The following ME3 variants were observed in gnomAD, a reference collection of about 807,000 sequenced individuals.
ME3 encodes the protein malic enzyme 3.
Under a neutral mutation model 68.9 loss-of-function variants are expected in ME3, and 48 were observed. The observed-to-expected ratio is 0.70, with a 90% CI of 0.55 to 0.89. The LOEUF is 0.89. Among genes scored for constraint, ME3 ranks in the 40% least tolerant of loss-of-function variants. The probability of loss-of-function intolerance (pLI) is 0.00; values close to 1 mark genes in which losing one functional copy is unlikely to be tolerated. For missense variants in ME3, 675 were observed against 797.4 expected (o/e 0.85, Z 1.85); for synonymous variants, 320 against 318.8 (o/e 1.00, Z -0.04).
At chr11:86,486,924 G>A (rs1016144798) in intron 7 of ME3, among the ~76,000 whole-genome samples, 8 of 152,232 alleles carry the variant, frequency 5.3e-5, no homozygotes, top group African/African-American at 1.4e-4. Flanking sequence ...TTCTCACATA[G>A]AGGTGGAAAA....
intron 2 of ME3, among the ~76,000 whole-genome samples, chr11:86,619,246 G>T (rs1012914864): frequency 6.6e-5 from 10 of 152,192 alleles, no homozygotes; most frequent in African/African-American, 2.4e-4. Context: ...TTATAGCAGT[G>T]CAAGAACAGC....
chr11:86,497,907 C>G, intron 6 of ME3, 56 bp downstream of exon 6: 1 of 1,528,952 alleles, frequency 6.5e-7, no homozygotes, highest in Non-Finnish European at 8.8e-7. Flanking sequence ...TGCTCCTCAC[C>G]CTGTCCCAGT....
intron 5 of ME3, among the ~76,000 whole-genome samples, chr11:86,501,663 T>G (rs1015916648): frequency 6.6e-6 from 1 of 152,212 alleles, no homozygotes. Context: ...CTTACTCCTT[T>G]TGAGCCTTTT....
intron 2 of ME3, among the ~76,000 whole-genome samples, chr11:86,609,753 A>G (rs1942426028): frequency 6.6e-6 from 1 of 152,250 alleles, no homozygotes; most frequent in Non-Finnish European, 1.5e-5. Flanking sequence ...AATTGGGAAC[A>G]ACTTAAATGT....
rs1274527004 is a variant in ME3 at position 86,671,746 on chromosome 11, C to T, written c.183+16G>A. 2.5e-6 allele frequency: 4 copies of T among 1,599,052 alleles called. 1 individual carries two copies. In the South Asian group the frequency reaches 3.4e-5, roughly 13 times the overall value. On this transcript the variant is annotated intron_variant, in intron 2 of 14. Coordinates refer to ENST00000543262, the Ensembl canonical transcript of ME3. ...CGGGATCGCAACGCGGGCCGTCCTG[C>T]CCTCTGGCCCATTACCTTGTTGAGA...
At chr11:86,449,029 A>G (rs12271571) in intron 10 of ME3, among the ~76,000 whole-genome samples, 45,691 of 152,060 alleles carry the variant, frequency 0.3, 7,140 homozygotes, top group Admixed American at 0.37. Context: ...GGTGGGTGGG[A>G]AGAGGAATCT....
chr11:86,571,278 A>C (rs1020526741), intron 2 of ME3, among the ~76,000 whole-genome samples: 1 of 152,216 alleles, frequency 6.6e-6, no homozygotes, highest in Non-Finnish European at 1.5e-5. Context: ...TTTCTTCAAC[A>C]AAAAAGTATT....
At chr11:86,489,586 A>T (rs1327888410) in intron 6 of ME3, among the ~76,000 whole-genome samples, 2 of 151,584 alleles carry the variant, frequency 1.3e-5, no homozygotes, top group Admixed American at 1.3e-4. Context: ...CAGCCGCCAC[A>T]CTCTCCCTGG....
intron 8 of ME3, chr11:86,464,113 C>G: frequency 2.2e-6 from 1 of 452,276 alleles, no homozygotes; most frequent in Non-Finnish European, 4.4e-6. Flanking sequence ...CCTCTTTGGG[C>G]CTCTGGAGAA....
chr11:86,462,688 A>C (rs1950281275), intron 8 of ME3: 1 of 872,006 alleles, frequency 1.1e-6, no homozygotes, highest in Non-Finnish European at 1.6e-6. Context: ...CTGGGGAACA[A>C]GAATGGATAA....
At chr11:86,453,613 C>G (rs1236868378) in intron 8 of ME3, among the ~76,000 whole-genome samples, 2 of 152,150 alleles carry the variant, frequency 1.3e-5, no homozygotes, top group African/African-American at 2.4e-5. Flanking sequence ...TTTAGATAAA[C>G]AACAAGATTT....
intron 4 of ME3, among the ~76,000 whole-genome samples, chr11:86,529,561 G>T (rs1955041329): frequency 6.6e-6 from 1 of 152,068 alleles, no homozygotes; most frequent in South Asian, 2.1e-4. Flanking sequence ...CAAAAAAAGA[G>T]AATTTTAGAC....
chr11:86,457,365 C>T (rs1011308206), intron 8 of ME3: 2 of 303,538 alleles, frequency 6.6e-6, no homozygotes, highest in Non-Finnish European at 1.0e-5. Flanking sequence ...GACTGACCCA[C>T]CTCTTGTCAG....
chr11:86,520,903 T>G (rs1954223625), intron 4 of ME3, among the ~76,000 whole-genome samples: 2 of 152,188 alleles, frequency 1.3e-5, no homozygotes, highest in African/African-American at 4.8e-5. Flanking sequence ...TGTTCCTCAG[T>G]CGGTAAGATG....
At chr11:86,608,795 G>T (rs1387557448) in intron 2 of ME3, among the ~76,000 whole-genome samples, 1 of 152,142 alleles carries the variant, frequency 6.6e-6, no homozygotes, top group South Asian at 2.1e-4. Context: ...GTAGTAACTG[G>T]TATATCAGAT....
intron 2 of ME3, among the ~76,000 whole-genome samples, chr11:86,638,611 A>G (rs1565251690): frequency 6.6e-6 from 1 of 152,350 alleles, no homozygotes; most frequent in East Asian, 1.9e-4. Context: ...TTGCTAGTAA[A>G]GGGTAAGGGA....
chr11:86,462,938 T>G lies in ME3; in HGVS notation c.919+2153A>C, dbSNP rs543416387. On this transcript the variant is annotated intron_variant, in intron 8 of 14. Transcript: ENST00000543262. ...ATGATGGGAAAGGGTGAGCAGGGCT[T>G]TCAAACACAGAAAGAAATGGCAGGT... is the stretch of plus-strand genomic sequence containing the variant. Among the ~76,000 whole-genome samples the G allele has an allele frequency of 3.9e-5, 6 of 152,142 alleles. No individual in the cohort carries two copies. The East Asian group carries it at 1.2e-3, about 29-fold the overall frequency.
rs550255345 is a variant in ME3 at position 86,459,782 on chromosome 11, A to G, written c.919+5309T>C. Among the ~76,000 whole-genome samples, 492 of 152,320 alleles carry G rather than the reference A, an allele frequency of 3.2e-3. 11 individuals carry two copies. Among genetic ancestry groups the G allele is most frequent in the Non-Finnish European group, 7.6e-4 (52 of 68,020 alleles). On this transcript the variant is annotated intron_variant, in intron 8 of 14. Coordinates refer to ENST00000543262, the Ensembl canonical transcript of ME3. ...TCTGATTGTTAAGCATTGGACTCAC[A>G]GGGGGTGCTAATAGCCTGACATAAC... is the stretch of plus-strand genomic sequence containing the variant.
At chr11:86,555,551 C>T (rs563370366) in intron 4 of ME3, among the ~76,000 whole-genome samples, 30 of 152,286 alleles carry the variant, frequency 2.0e-4, no homozygotes, top group African/African-American at 7.0e-4. Flanking sequence ...TCTGCTGCAA[C>T]AGCCAGACAC....
Sources: gnomAD v4.1 joint callset for allele counts (sites outside exome capture counted in the v4.1 genomes callset) on GRCh38, gnomAD v4.1.1 for gene constraint, MANE v1.5 for transcripts, NCBI Gene and HGNC (gene_info 2026-07-23, HGNC 2026-07-21) for gene names.